Variants in DST observed in about 807,000 individuals in gnomAD.
DST encodes the protein bullous pemphigoid antigen.
In DST, 253 loss-of-function variants were observed where a neutral mutation model predicts 875.2. That is an observed-to-expected ratio of 0.29 (90% CI 0.26 to 0.32). DST has a LOEUF of 0.32. DST is among the 10% of genes least tolerant of loss of function. DST has a pLI of 1.00. For missense variants in DST, 8,287 were observed against 9,111.6 expected, an observed-to-expected ratio of 0.91 and a Z score of 3.68; for synonymous variants, 3,124 against 3,197.1, an observed-to-expected ratio of 0.98 and a Z score of 0.77.
At chr6:56,575,670 C>T (rs1729848441) in intron 50 of DST, among the ~76,000 whole-genome samples, 1 of 152,096 alleles carries the variant, frequency 6.6e-6, no homozygotes, top group Non-Finnish European at 1.5e-5. Context: ...GTGATATTAT[C>T]ATATAATAAG....
intron 2 of DST, among the ~76,000 whole-genome samples, chr6:56,916,753 ATCTCTCTCTCTC>A (rs70989741): frequency 1.0e-5 from 1 of 95,418 alleles, no homozygotes; most frequent in Admixed American, 1.2e-4. Flanking sequence ...CTCTCTCTCT[ATCTCTCTCTCTC>A]TCTCTCTCTC....
chr6:56,558,189 T>C (rs1030750775), intron 58 of DST, among the ~76,000 whole-genome samples: 12 of 152,170 alleles, frequency 7.9e-5, no homozygotes, highest in Admixed American at 6.6e-4. Flanking sequence ...AAAGCCCTCC[T>C]TTACATTCTC....
At chr6:56,913,136 T>C (rs551008155) in intron 2 of DST, among the ~76,000 whole-genome samples, 26 of 152,182 alleles carry the variant, frequency 1.7e-4, no homozygotes, top group Non-Finnish European at 3.4e-4. Flanking sequence ...TCTAACACTT[T>C]TCCAGCATTG....
At chr6:56,757,854 T>C (rs2099607915) in intron 4 of DST, among the ~76,000 whole-genome samples, 1 of 152,198 alleles carries the variant, frequency 6.6e-6, no homozygotes, top group Non-Finnish European at 1.5e-5. Flanking sequence ...GACTGCCTCC[T>C]GCTGGACTTC....
intron 4 of DST, among the ~76,000 whole-genome samples, chr6:56,801,742 C>T (rs1165490722): frequency 6.8e-6 from 1 of 146,992 alleles, no homozygotes; most frequent in Non-Finnish European, 1.5e-5. Context: ...ACAAGTCACA[C>T]AATAATTTTT....
chr6:56,496,383 C>G (rs1460633164), intron 82 of DST, among the ~76,000 whole-genome samples: 1 of 151,964 alleles, frequency 6.6e-6, no homozygotes, highest in African/African-American at 2.4e-5. Context: ...CCAGACTGGA[C>G]AGTTAAACAG....
chr6:56,587,602 A>G (rs369877820), intron 49 of DST, among the ~76,000 whole-genome samples: 2 of 152,168 alleles, frequency 1.3e-5, no homozygotes, highest in African/African-American at 4.8e-5. Flanking sequence ...TCCAAGACAC[A>G]TAATTGTCAG....
chr6:56,695,423 G>A (rs2099258353), intron 9 of DST, among the ~76,000 whole-genome samples: 1 of 152,086 alleles, frequency 6.6e-6, no homozygotes, highest in African/African-American at 2.4e-5. Context: ...GCCAAACTAA[G>A]CAGCTGTCCA....
chr6:56,783,008 T>C (rs1183034715), intron 4 of DST, among the ~76,000 whole-genome samples: 1 of 152,210 alleles, frequency 6.6e-6, no homozygotes, highest in African/African-American at 2.4e-5. Context: ...GAGCAGGTTG[T>C]TCAGTTTCCA....
At chr6:56,953,377 C>T (rs909408817) in intron 2 of DST, among the ~76,000 whole-genome samples, 1 of 152,168 alleles carries the variant, frequency 6.6e-6, no homozygotes, top group Non-Finnish European at 1.5e-5. Flanking sequence ...ACTTGAAAAT[C>T]GAAAATGAAA....
At chr6:56,655,160 CAAAAAAAA>C (rs11365303) in intron 10 of DST, among the ~76,000 whole-genome samples, 3 of 57,346 alleles carry the variant, frequency 5.2e-5, no homozygotes, top group African/African-American at 1.6e-4. Context: ...GACTTTGCCT[CAAAAAAAA>C]AAAAAAAAAA....
At chr6:56,546,347 CATATAT>C (rs10617867) in intron 61 of DST, among the ~76,000 whole-genome samples, 7,636 of 72,346 alleles carry the variant, frequency 0.11, 363 homozygotes, top group African/African-American at 0.14. Flanking sequence ...ATACATATTT[CATATAT>C]ATATATATAT....
At chr6:56,924,072 C>T (rs979096612) in intron 2 of DST, among the ~76,000 whole-genome samples, 13 of 152,024 alleles carry the variant, frequency 8.6e-5, no homozygotes, top group African/African-American at 2.9e-4. Flanking sequence ...TGCAGTGAGC[C>T]GAGATCACGC....
Position 56,625,201 on chromosome 6 carries a change from T to G in DST, c.4786A>C (p.Lys1596Gln), listed in dbSNP as rs1191340188. Reference protein sequence around the residue: ...MVDSQQKSPVKRRRMQSSADL... With the variant: ...MVDSQQKSPVQRRRMQSSADL... ...GCTGAACTCTGCATTCTTCGGCGTT[T>G]CACTGGAGATTTTTGTTGTGAATCT... Residue 1596 changes from lysine (K) to glutamine (Q), a missense_variant, in exon 35 of 104, where the codon AAA (lysine) becomes CAA (glutamine). Lys to Gln is a moderately conservative substitution (Grantham distance 53). Coordinates refer to ENST00000680361, the MANE Select transcript of DST (RefSeq NM_001374736.1). The G allele has an allele frequency of 1.7e-5, 27 of 1,613,668 alleles. No individual in the cohort carries two copies. The highest frequency in any genetic ancestry group is 2.3e-5 in the Non-Finnish European group (27 of 1,179,640).
At chr6:56,743,369 T>C (rs1284441844) in intron 4 of DST, among the ~76,000 whole-genome samples, 3 of 152,214 alleles carry the variant, frequency 2.0e-5, no homozygotes, top group African/African-American at 4.8e-5. Flanking sequence ...CCAAAATGCT[T>C]TAAAACATCT....
Position 56,508,691 on chromosome 6 carries a change from C to A in DST, c.19077G>T (p.Glu6359Asp). 6.2e-7 allele frequency: 1 copy of A among 1,613,848 alleles called. No individual in the cohort carries two copies. The highest frequency in any genetic ancestry group is 8.5e-7 in the Non-Finnish European group (1 of 1,179,794). The change falls in exon 75 of 104, where the codon GAG (glutamate) becomes GAT (aspartate). Residue 6359 changes from glutamate (E) to aspartate (D), a missense_variant. Physicochemically the swap from Glu to Asp is conservative, Grantham distance 45. Around this residue, in one of 10 missense-constraint regions of DST, gnomAD observed 1,292 missense variants for 1,552.7 expected, o/e 0.83. Coordinates refer to ENST00000680361, the MANE Select transcript of DST (RefSeq NM_001374736.1). ...IWENIHTLVE[E>D]REAKLLDVME... ...TCACATCCAGTAGTTTGGCTTCCCT[C>A]TCTTCCACCAGTGTGTGTATGTTCT...
intron 4 of DST, among the ~76,000 whole-genome samples, chr6:56,813,743 A>C (rs1026019376): frequency 1.3e-5 from 2 of 152,196 alleles, no homozygotes. Flanking sequence ...AAATTCAAAA[A>C]TGAGATGGTG....
Position 56,610,486 on chromosome 6 carries a change from C to G in DST, c.5224G>C (p.Glu1742Gln). 6.4e-7 allele frequency: 1 copy of G among 1,568,666 alleles called. No homozygotes were observed. Among genetic ancestry groups the G allele is most frequent in the African/African-American group, 1.4e-5 (1 of 74,068 alleles). Residue 1742 changes from glutamate (E) to glutamine (Q), a missense_variant, in exon 39 of 104, where the codon GAA (glutamate) becomes CAA (glutamine). By Grantham distance (29) the Glu-to-Gln change is conservative. Transcript: ENST00000680361. ...GATTCTTGTAGCTGTTTCAGAGATT[C>G]ACTGAATAATAAATTATAACTTTCC... ...LQESYNLLFS[E>Q]SLKQLQESQT...
At position 56,511,831 on chromosome 6, in the gene DST, AAGAG is replaced by A. The variant is rs147190506; in HGVS notation, c.18577-435_18577-432del. Among the ~76,000 whole-genome samples, 959 of 151,250 alleles carry A rather than the reference AAGAG, an allele frequency of 6.3e-3. 8 individuals carry two copies. Among genetic ancestry groups the A allele is most frequent in the Admixed American group, 0.017 (257 of 15,178 alleles). On this transcript the variant is annotated intron_variant, in intron 72 of 103. Coordinates refer to ENST00000680361, the MANE Select transcript of DST (RefSeq NM_001374736.1). ...TATATACAAAAATAGAAGAAAGAAA[AAGAG>A]AGAGAGAGAGAGACAAGACGGGGGG...
Sources: allele counts gnomAD v4.1 joint callset (sites outside exome capture counted in the v4.1 genomes callset), GRCh38; gene constraint gnomAD v4.1.1; regional missense constraint gnomAD v4.1.1; transcripts MANE v1.5; gene names NCBI Gene and HGNC (gene_info 2026-07-23, HGNC 2026-07-21).